The following SAMD8 variants were observed in gnomAD, a reference collection of about 807,000 sequenced individuals.
SAMD8 encodes the protein sphingomyelin synthase-related protein 1.
Under a neutral mutation model 42.0 loss-of-function variants are expected in SAMD8, and 20 were observed. The ratio of observed to expected loss-of-function variants is 0.48; its 90% confidence interval spans 0.34 to 0.69. SAMD8 has a LOEUF of 0.69. Among genes scored for constraint, SAMD8 ranks in the 30% least tolerant of loss-of-function variants. SAMD8 has a pLI of 0.01. For synonymous variants in SAMD8, 162 were observed against 173.0 expected, an observed-to-expected ratio of 0.94 and a Z score of 0.50; for missense variants, 328 against 511.6, an observed-to-expected ratio of 0.64 and a Z score of 3.46.
chr10:75,107,769 G>T (rs1168667081), upstream of SAMD8, among the ~76,000 whole-genome samples: 1 of 152,154 alleles, frequency 6.6e-6, no homozygotes, highest in African/African-American at 2.4e-5. Context: ...TAGAGACGAG[G>T]TTTCACCGTG....
chr10:75,101,779 C>T, intron 1 of SAMD8: 1 of 939,426 alleles, frequency 1.1e-6, no homozygotes, highest in Non-Finnish European at 1.6e-6. Flanking sequence ...CCACCCCTCC[C>T]CACACAGGCA....
chr10:75,117,363 A>G (rs1236368219), intron 1 of SAMD8, among the ~76,000 whole-genome samples: 1 of 151,830 alleles, frequency 6.6e-6, no homozygotes, highest in East Asian at 1.9e-4. Context: ...TCAAAGCTGC[A>G]GTAAGCTGTG....
At chr10:75,144,218 C>T (rs184294073) in intron 1 of SAMD8, among the ~76,000 whole-genome samples, 18 of 152,110 alleles carry the variant, frequency 1.2e-4, no homozygotes, top group Admixed American at 2.0e-4. Context: ...CCGCCTACCT[C>T]GGCCTCCCAA....
At chr10:75,151,941 G>A (rs12267894) in intron 2 of SAMD8, among the ~76,000 whole-genome samples, 2,106 of 152,076 alleles carry the variant, frequency 0.014, 50 homozygotes, top group African/African-American at 0.048. Flanking sequence ...CGCCTACCTC[G>A]GCCTCCCAAA....
intron 1 of SAMD8, among the ~76,000 whole-genome samples, chr10:75,114,581 G>A (rs1357976967): frequency 6.6e-6 from 1 of 152,138 alleles, no homozygotes; most frequent in Non-Finnish European, 1.5e-5. Flanking sequence ...TCTAAGAATT[G>A]AAATTTGAAC....
In SAMD8 at chr10:75,164,677, CG is replaced by C; in HGVS notation, c.613del (p.Glu205LysfsTer5). 6.2e-7 allele frequency: 1 copy of C among 1,614,078 alleles called. No individual in the cohort carries two copies. The highest frequency in any genetic ancestry group is 8.5e-7 in the Non-Finnish European group (1 of 1,179,982). On this transcript the variant is annotated frameshift_variant, in exon 3 of 6. Transcript: ENST00000542569. LOFTEE classifies it high-confidence loss of function. ...AGAATCCCATGGGCCTTTGCCATGA[CG>C]GAAGTATGTGGCATGATTCTGTGCT... ...VPRIPWAFAM[T>X]EVCGMILCYI... is the part of the protein sequence containing the mutation.
intron 1 of SAMD8, chr10:75,104,053 G>C: frequency 7.3e-7 from 1 of 1,362,474 alleles, no homozygotes; most frequent in South Asian, 1.2e-5. Flanking sequence ...TCAGTGCCAG[G>C]GTGGCAAAGT....
At chr10:75,159,085 G>C (rs1840496209) in intron 2 of SAMD8, among the ~76,000 whole-genome samples, 1 of 117,122 alleles carries the variant, frequency 8.5e-6, no homozygotes, top group African/African-American at 3.9e-5. Context: ...TTGAGACAGA[G>C]TCTCACTCTG....
At position 75,111,927 on chromosome 10, in the gene SAMD8, T is replaced by C. The variant is rs1848778946; in HGVS notation, c.-16+205T>C. The stretch of plus-strand genomic sequence containing the variant: ...GTTGTCGAACTGAGGGCCTGAAGGC[T>C]GAGGGATAAGTGGAGGCCGAGGAAC... On this transcript the variant is annotated intron_variant, in intron 1 of 5. Coordinates refer to ENST00000542569, the MANE Select transcript of SAMD8 (RefSeq NM_001174156.2). 1.0e-5 allele frequency: 6 copies of C among 592,734 alleles called. No homozygotes were observed. The Admixed American group carries it at 1.8e-4, about 17-fold the overall frequency. The allele number at this position is 592,734 out of a possible 1,614,324, so 36.7% of individuals were successfully genotyped here.
At chr10:75,115,658 A>C (rs1848861518) in intron 1 of SAMD8, among the ~76,000 whole-genome samples, 1 of 152,210 alleles carries the variant, frequency 6.6e-6, no homozygotes, top group Non-Finnish European at 1.5e-5. Context: ...AATGTAACAT[A>C]CTGCGGGCAC....
intron 4 of SAMD8, among the ~76,000 whole-genome samples, chr10:75,171,277 C>T (rs184295559): frequency 2.2e-4 from 33 of 149,004 alleles, no homozygotes; most frequent in African/African-American, 8.0e-4. Context: ...TGCCATTCTC[C>T]TGCCTCAGCC....
At chr10:75,159,100 C>A (rs1048559006) in intron 2 of SAMD8, among the ~76,000 whole-genome samples, 1 of 146,060 alleles carries the variant, frequency 6.8e-6, no homozygotes. Context: ...ACTCTGTTAC[C>A]CAGGCTGGAG....
At chr10:75,126,831 A>G (rs992243652) in intron 1 of SAMD8, among the ~76,000 whole-genome samples, 1 of 151,966 alleles carries the variant, frequency 6.6e-6, no homozygotes, top group East Asian at 1.9e-4. Context: ...AGTGTCTGGC[A>G]TCTCTATATA....
chr10:75,101,190 G>T (rs1328448789), intron 1 of SAMD8, among the ~76,000 whole-genome samples: 1 of 152,188 alleles, frequency 6.6e-6, no homozygotes, highest in Non-Finnish European at 1.5e-5. Context: ...GACCTGGGTA[G>T]AAATCTCAGG....
At chr10:75,149,033 G>C (rs1840217993) in intron 1 of SAMD8, among the ~76,000 whole-genome samples, 1 of 151,480 alleles carries the variant, frequency 6.6e-6, no homozygotes, top group Non-Finnish European at 1.5e-5. Context: ...AGGCACATAG[G>C]TGTTCGTTGT....
At chr10:75,103,914 G>A (rs1192154772) in intron 1 of SAMD8, 2 of 1,313,186 alleles carry the variant, frequency 1.5e-6, no homozygotes, top group Admixed American at 4.5e-5. Context: ...TGAAGACAGT[G>A]GCTGAGAGGG....
intron 1 of SAMD8, among the ~76,000 whole-genome samples, chr10:75,146,789 A>C (rs1840147882): frequency 6.6e-6 from 1 of 152,174 alleles, no homozygotes; most frequent in Non-Finnish European, 1.5e-5. Context: ...TTATCATTCA[A>C]AGTCTCCTGT....
chr10:75,130,697 A>G (rs1408190440), intron 1 of SAMD8, among the ~76,000 whole-genome samples: 1 of 152,186 alleles, frequency 6.6e-6, no homozygotes, highest in African/African-American at 2.4e-5. Context: ...TAAATCATTT[A>G]AATTATAATA....
At chr10:75,108,378 G>A (rs899563160), upstream of SAMD8, 5 of 1,280,182 alleles carry the variant, frequency 3.9e-6, no homozygotes, top group Non-Finnish European at 2.1e-6. Flanking sequence ...CCAGAGCCCC[G>A]CACTTTCTGG....
Sources: allele counts gnomAD v4.1 joint callset (sites outside exome capture counted in the v4.1 genomes callset), GRCh38; gene constraint gnomAD v4.1.1; transcripts MANE v1.5; gene names NCBI Gene and HGNC (gene_info 2026-07-23, HGNC 2026-07-21).